TENM3: variants seen among roughly 807,000 people sequenced by gnomAD.
TENM3 encodes the protein teneurin-3.
TENM3 carries 63 observed loss-of-function variants against 255.1 expected under a neutral mutation model. That is an observed-to-expected ratio of 0.25 (90% CI 0.20 to 0.30). The LOEUF (loss-of-function observed/expected upper bound fraction) is 0.30, where lower values mean the gene tolerates loss of function less well. Ranked by LOEUF, TENM3 falls within the 10% of genes least tolerant of loss-of-function variation. The pLI, the probability that TENM3 is intolerant of heterozygous loss-of-function variation, is 1.00. For synonymous variants in TENM3, 1,306 were observed against 1,322.3 expected (o/e 0.99, Z 0.27); for missense variants, 2,929 against 3,461.1 (o/e 0.85, Z 3.86).
At chr4:182,637,282 T>C (rs1175865366) in intron 5 of TENM3, among the ~76,000 whole-genome samples, 1 of 152,206 alleles carries the variant, frequency 6.6e-6, no homozygotes, top group Non-Finnish European at 1.5e-5. Context: ...CAAATAAAAT[T>C]TAAATTTGTA....
the TENM3 span, among the ~76,000 whole-genome samples, chr4:181,532,997 C>T: frequency 7.2e-5 from 11 of 152,208 alleles, no homozygotes; most frequent in East Asian, 7.7e-4. Context: ...CCTTTATAAA[C>T]GTAAACTACT....
At chr4:182,577,391 A>C (rs1745046379) in intron 3 of TENM3, among the ~76,000 whole-genome samples, 1 of 152,220 alleles carries the variant, frequency 6.6e-6, no homozygotes, top group Non-Finnish European at 1.5e-5. Flanking sequence ...TGTTGTATAA[A>C]TTAATGAGGG....
the TENM3 span, among the ~76,000 whole-genome samples, chr4:182,041,633 C>A: frequency 6.6e-6 from 1 of 151,966 alleles, no homozygotes; most frequent in African/African-American, 2.4e-5. Context: ...AATTTTCTTC[C>A]AGTTTATGTG....
At chr4:182,243,613 A>C (rs568786350) in intron 1 of TENM3, 137 bp downstream of exon 1, 1 of 136,050 alleles carries the variant, frequency 7.4e-6, no homozygotes, top group East Asian at 2.3e-4. Flanking sequence ...TAAAAAGGAG[A>C]CTGGAAAAAA....
At chr4:182,762,258 A>G (rs1441912782) in intron 22 of TENM3, among the ~76,000 whole-genome samples, 1 of 152,216 alleles carries the variant, frequency 6.6e-6, no homozygotes, top group East Asian at 1.9e-4. Context: ...AACTTGTTCC[A>G]TAACGGTTCA....
chr4:182,633,177 T>C (rs1751542278), intron 5 of TENM3, among the ~76,000 whole-genome samples: 1 of 152,128 alleles, frequency 6.6e-6, no homozygotes, highest in Non-Finnish European at 1.5e-5. Flanking sequence ...AGCTGTCCTC[T>C]TGCCTCAGCC....
At chr4:182,501,430 A>G (rs1736316618) in intron 3 of TENM3, among the ~76,000 whole-genome samples, 1 of 151,954 alleles carries the variant, frequency 6.6e-6, no homozygotes, top group Non-Finnish European at 1.5e-5. Flanking sequence ...GTATATTAAC[A>G]GTGTTTTATC....
At chr4:181,769,168 C>G in the TENM3 span, among the ~76,000 whole-genome samples, 203 of 152,170 alleles carry the variant, frequency 1.3e-3, no homozygotes, top group African/African-American at 4.7e-3. Flanking sequence ...AAAAGATATT[C>G]ATGCAGACAA....
At chr4:182,675,749 G>A (rs1755616751) in intron 7 of TENM3, among the ~76,000 whole-genome samples, 2 of 152,160 alleles carry the variant, frequency 1.3e-5, no homozygotes, top group South Asian at 2.1e-4. Flanking sequence ...ACAAATTCTA[G>A]AAAATAATTT....
In TENM3 at chr4:182,603,363, ATAAT is replaced by A. The variant is rs1261491851; in HGVS notation, c.749+2207_749+2210del. Among the ~76,000 whole-genome samples the A allele has an allele frequency of 3.3e-5, 5 of 152,204 alleles. No individual in the cohort carries two copies. In the South Asian group the frequency reaches 8.3e-4, roughly 25 times the overall value. On this transcript the variant is annotated intron_variant, in intron 4 of 27. Transcript: ENST00000511685. ...ATGATCTCACTAATAAATATACAGA[ATAAT>A]TAATCTAAAAATTTGTTGTTACACT...
intron 1 of TENM3, chr4:182,169,407 G>A: frequency 2.3e-6 from 1 of 432,168 alleles, no homozygotes; most frequent in Non-Finnish European, 4.7e-6. Context: ...TCTGCACGAG[G>A]AAAAGAAGTC....
At chr4:182,678,991 C>T (rs1755877199) in intron 7 of TENM3, among the ~76,000 whole-genome samples, 1 of 152,144 alleles carries the variant, frequency 6.6e-6, no homozygotes. Context: ...TGTTCTCACT[C>T]ATAAGTGGGA....
At chr4:181,872,324 TA>T in the TENM3 span, among the ~76,000 whole-genome samples, 1 of 137,516 alleles carries the variant, frequency 7.3e-6, no homozygotes, top group Non-Finnish European at 1.6e-5. Context: ...TTACTTTTTT[TA>T]AACTTTTATT....
chr4:181,553,542 CG>C, the TENM3 span, among the ~76,000 whole-genome samples: 1 of 151,670 alleles, frequency 6.6e-6, no homozygotes, highest in Non-Finnish European at 1.5e-5. Context: ...CCCGGGTTCA[CG>C]TCATTCTCCT....
chr4:181,577,208 TA>T, the TENM3 span, among the ~76,000 whole-genome samples: 6 of 127,842 alleles, frequency 4.7e-5, no homozygotes, highest in East Asian at 8.7e-4. Flanking sequence ...TATATATATA[TA>T]TTTTTTTTTT....
At position 182,793,094 on chromosome 4, in the gene TENM3, T is replaced by A; in HGVS notation, c.6422T>A (p.Val2141Asp). The part of the protein sequence containing the change: ...EYDVDGQLQT[V>D]YLNEKIMWRY... ...GATGTTGATGGACAGCTCCAAACAG[T>A]TTACCTCAATGAAAAGATAATGTGG... The change falls in exon 26 of 28, where the codon GTT (valine) becomes GAT (aspartate). Residue 2141 changes from valine (V) to aspartate (D), a missense_variant. Physicochemically the swap from Val to Asp is radical, Grantham distance 152. Transcript: ENST00000511685. The surrounding 1 kb of genome is among the most constrained non-coding windows in gnomAD (Gnocchi z 5.7). 1 of 1,613,874 alleles carries A rather than the reference T, an allele frequency of 6.2e-7. No individual in the cohort carries two copies. The highest frequency in any genetic ancestry group is 1.1e-5 in the South Asian group (1 of 91,072).
At chr4:181,852,941 G>A in the TENM3 span, among the ~76,000 whole-genome samples, 1 of 152,172 alleles carries the variant, frequency 6.6e-6, no homozygotes, top group East Asian at 1.9e-4. Flanking sequence ...TAAACGTTAT[G>A]TGTATTTTAC....
At chr4:181,958,707 C>G in the TENM3 span, among the ~76,000 whole-genome samples, 4 of 152,052 alleles carry the variant, frequency 2.6e-5, no homozygotes, top group African/African-American at 4.8e-5. Flanking sequence ...GAGTTGATCC[C>G]CAAGAGAAAA....
chr4:182,430,955 T>G (rs934066036), intron 3 of TENM3, among the ~76,000 whole-genome samples: 4 of 151,828 alleles, frequency 2.6e-5, no homozygotes, highest in Non-Finnish European at 5.9e-5. Context: ...GAGATTGCAG[T>G]GAGCCGAGAT....
Sources: gnomAD v4.1 joint callset for allele counts (sites outside exome capture counted in the v4.1 genomes callset) on GRCh38, gnomAD v4.1.1 for gene constraint, Gnocchi (gnomAD v3.1) non-coding constraint, MANE v1.5 for transcripts, NCBI Gene and HGNC (gene_info 2026-07-23, HGNC 2026-07-21) for gene names.